The following CDH22 variants were observed in gnomAD, a reference collection of about 807,000 sequenced individuals.
The protein encoded by CDH22 is cadherin 22.
In CDH22, 30 loss-of-function variants were observed where a neutral mutation model predicts 58.4. That is an observed-to-expected ratio of 0.51 (90% CI 0.38 to 0.70). CDH22 has a LOEUF of 0.70. Among genes scored for constraint, CDH22 ranks in the 30% least tolerant of loss-of-function variants. The pLI, the probability that CDH22 is intolerant of heterozygous loss-of-function variation, is 0.00. For missense variants in CDH22, 1,014 were observed against 1,233.9 expected (o/e 0.82, Z 2.67); for synonymous variants, 513 against 558.2 (o/e 0.92, Z 1.14).
chr20:46,242,724 T>C (rs2086301054), intron 2 of CDH22, among the ~76,000 whole-genome samples: 1 of 152,102 alleles, frequency 6.6e-6, no homozygotes, highest in South Asian at 2.1e-4. Flanking sequence ...TATGGAGGTT[T>C]TTCATGATTT....
At chr20:46,175,150 C>T in intron 11 of CDH22, 73 bp from the exon 12 acceptor site, 1 of 1,391,666 alleles carries the variant, frequency 7.2e-7, no homozygotes, top group Non-Finnish European at 9.7e-7. Flanking sequence ...TCTACCCCAT[C>T]TCCTCCCGCC....
chr20:46,239,756 G>A (rs1374727386), intron 3 of CDH22, among the ~76,000 whole-genome samples: 1 of 152,226 alleles, frequency 6.6e-6, no homozygotes, highest in Non-Finnish European at 1.5e-5. Flanking sequence ...GGAGATGGCA[G>A]CTATTGGCTT....
chr20:46,227,461 CT>C (rs753378487), intron 4 of CDH22, 46 bp downstream of exon 4: 2 of 1,335,762 alleles, frequency 1.5e-6, no homozygotes, highest in South Asian at 1.2e-5. Flanking sequence ...CGCCCCGCCC[CT>C]GGCCCCGCCC....
chr20:46,308,450 AGAGCGAGGGAGTGAGC>A lies in CDH22; in HGVS notation c.-611_-596del. ...GTGAGCGAGAGAGCGAGAGAGCGAG[AGAGCGAGGGAGTGAGC>A]GAGCGAGCGGGAGCGAGGGAGTGTG... On this transcript the variant is annotated 5_prime_UTR_variant, in exon 1 of 12. Transcript: ENST00000537909. This position sits in a 1 kb window ranked among gnomAD's most constrained non-coding sequence, Gnocchi z 4.3. 1 of 216,638 alleles carries A rather than the reference AGAGCGAGGGAGTGAGC, an allele frequency of 4.6e-6. No individual in the cohort carries two copies. The highest frequency in any genetic ancestry group is 8.4e-5 in the East Asian group (1 of 11,918). The allele number at this position is 216,638 out of a possible 1,614,324, so 13.4% of individuals were successfully genotyped here.
chr20:46,245,408 C>T (rs1019234392), intron 2 of CDH22, among the ~76,000 whole-genome samples: 7 of 152,166 alleles, frequency 4.6e-5, no homozygotes, highest in African/African-American at 1.7e-4. Flanking sequence ...CATCTGTGTC[C>T]CCAGCTGTCA....
chr20:46,225,167 C>T (rs999393173), intron 4 of CDH22, among the ~76,000 whole-genome samples: 3 of 152,212 alleles, frequency 2.0e-5, no homozygotes, highest in South Asian at 4.1e-4. Context: ...CATTATCTAT[C>T]GAGATTCCGA....
rs926516518 is a variant in CDH22, at chr20:46,197,607, G to T, written c.1423+1816C>A. ...TCCCTCACTCCATCTACAGCCCAGA[G>T]CCTCAGTTGCTACCCAGGGAACAGG... On this transcript the variant is annotated intron_variant, in intron 8 of 11. Transcript: ENST00000537909. Among the ~76,000 whole-genome samples, 4 of 152,254 alleles carry T rather than the reference G, an allele frequency of 2.6e-5. No individual in the cohort carries two copies. The South Asian group carries it at 8.3e-4, about 32-fold the overall frequency.
chr20:46,297,605 A>G (rs1233157771), intron 1 of CDH22, among the ~76,000 whole-genome samples: 1 of 139,398 alleles, frequency 7.2e-6, no homozygotes, highest in Non-Finnish European at 1.5e-5. Context: ...GCTCAGCTGC[A>G]GGGCTGGGGT....
intron 1 of CDH22, among the ~76,000 whole-genome samples, chr20:46,294,913 A>T (rs1441858877): frequency 2.6e-5 from 4 of 152,224 alleles, no homozygotes; most frequent in Non-Finnish European, 4.4e-5. Flanking sequence ...CACCCGGCAG[A>T]CAGTAACAGG....
chr20:46,209,060 G>A (rs1600697457), intron 7 of CDH22, among the ~76,000 whole-genome samples: 1 of 152,334 alleles, frequency 6.6e-6, no homozygotes, highest in East Asian at 1.9e-4. Flanking sequence ...CAGAAAAGCA[G>A]GTAGCATGTC....
chr20:46,197,007 T>C (rs59348153), intron 8 of CDH22, among the ~76,000 whole-genome samples: 9,872 of 152,116 alleles, frequency 0.065, 488 homozygotes, highest in African/African-American at 0.13. Context: ...CAGTGGCTAG[T>C]CTTCTCCTTT....
At chr20:46,260,262 C>A (rs190429316) in intron 1 of CDH22, among the ~76,000 whole-genome samples, 1 of 152,300 alleles carries the variant, frequency 6.6e-6, no homozygotes, top group East Asian at 1.9e-4. Context: ...AAGGGAACAA[C>A]ACCAAGAGGC....
chr20:46,191,435 G>A (rs970255262), intron 8 of CDH22, among the ~76,000 whole-genome samples: 1 of 152,254 alleles, frequency 6.6e-6, no homozygotes, highest in East Asian at 1.9e-4. Flanking sequence ...ATGGGGATGG[G>A]GGCCAATGGG....
intron 7 of CDH22, among the ~76,000 whole-genome samples, chr20:46,200,769 C>T (rs1482593720): frequency 2.6e-5 from 4 of 152,168 alleles, no homozygotes; most frequent in Non-Finnish European, 1.5e-5. Context: ...CACCAGAACA[C>T]ACCGGCACAG....
At chr20:46,287,599 G>A (rs900374830) in intron 1 of CDH22, among the ~76,000 whole-genome samples, 1 of 151,838 alleles carries the variant, frequency 6.6e-6, no homozygotes, top group African/African-American at 2.4e-5. Flanking sequence ...GGCACGTCAG[G>A]AGCAATGGGG....
At position 46,210,281 on chromosome 20, in the gene CDH22, G is replaced by T; in HGVS notation, c.1286+26C>A. 4 of 1,379,470 alleles carry T rather than the reference G, an allele frequency of 2.9e-6. No individual in the cohort carries two copies. The highest frequency in any genetic ancestry group is 3.7e-6 in the Non-Finnish European group (4 of 1,072,634). 85.5% of individuals were successfully genotyped at this position (1,379,470 alleles called of 1,614,324 possible). ...GTGATGGCGGGATAGCAGGCAGCAG[G>T]CGTCGGCCCCGGGCGGGGGTCTCAC... On this transcript the variant is annotated intron_variant, in intron 7 of 11. Transcript: ENST00000537909. This position sits in a 1 kb window ranked among gnomAD's most constrained non-coding sequence, Gnocchi z 4.5.
intron 1 of CDH22, among the ~76,000 whole-genome samples, chr20:46,263,622 T>C (rs1467352002): frequency 1.3e-5 from 2 of 151,182 alleles, no homozygotes; most frequent in African/African-American, 4.9e-5. Flanking sequence ...TGAGAAGGGG[T>C]TTTTTAGCTG....
intron 10 of CDH22, among the ~76,000 whole-genome samples, chr20:46,183,773 C>G (rs3092505): frequency 0.24 from 36,392 of 152,054 alleles, 4,478 homozygotes; most frequent in Non-Finnish European, 0.27. Flanking sequence ...ACTAAGGCTC[C>G]GCATTGGGTG....
intron 8 of CDH22, among the ~76,000 whole-genome samples, chr20:46,196,383 C>T (rs1041517360): frequency 1.4e-4 from 22 of 152,050 alleles, no homozygotes; most frequent in Admixed American, 4.6e-4. Context: ...AAGCGATTCT[C>T]GTGCCTTAGC....
Sources: allele counts gnomAD v4.1 joint callset (sites outside exome capture counted in the v4.1 genomes callset), GRCh38; gene constraint gnomAD v4.1.1; non-coding constraint Gnocchi (gnomAD v3.1); transcripts MANE v1.5; gene names NCBI Gene and HGNC (gene_info 2026-07-23, HGNC 2026-07-21).